The following ARHGEF11 variants were observed in gnomAD, a reference collection of about 807,000 sequenced individuals.
The protein encoded by ARHGEF11 is Rho guanine exchange factor (GEF) 11.
A neutral mutation model predicts 193.7 loss-of-function variants in ARHGEF11; 55 were observed. The observed-to-expected ratio is 0.28, with a 90% CI of 0.23 to 0.36. The LOEUF (loss-of-function observed/expected upper bound fraction) is 0.36. Ranked by LOEUF, ARHGEF11 falls within the 10% of genes least tolerant of loss-of-function variation. The pLI is 1.00. For synonymous variants in ARHGEF11, 693 were observed against 768.0 expected (o/e 0.90, Z 1.62); for missense variants, 1,723 against 2,005.6 (o/e 0.86, Z 2.69).
intron 2 of ARHGEF11, 52 bp downstream of exon 2, chr1:156,986,030 C>A: frequency 6.8e-7 from 1 of 1,471,582 alleles, no homozygotes; most frequent in Non-Finnish European, 9.5e-7. Flanking sequence ...GGAATACAGG[C>A]ATGTGCCACC....
chr1:157,005,007 CCT>C (rs1184914878), intron 1 of ARHGEF11, among the ~76,000 whole-genome samples: 1 of 152,208 alleles, frequency 6.6e-6, no homozygotes, highest in Non-Finnish European at 1.5e-5. Context: ...AAAATCTACC[CCT>C]CTCACAGCTC....
At chr1:157,021,651 A>G (rs968668908) in intron 1 of ARHGEF11, among the ~76,000 whole-genome samples, 10 of 145,904 alleles carry the variant, frequency 6.9e-5, no homozygotes, top group Non-Finnish European at 1.5e-4. Flanking sequence ...AAAAAAAGTT[A>G]GACTAAATTC....
intron 1 of ARHGEF11, among the ~76,000 whole-genome samples, chr1:156,992,581 C>G (rs1665894303): frequency 6.7e-6 from 1 of 149,952 alleles, no homozygotes; most frequent in South Asian, 2.1e-4. Context: ...TGCGGTGTGT[C>G]TGTGTGTGAA....
At chr1:157,030,478 T>G (rs929816623) in intron 1 of ARHGEF11, among the ~76,000 whole-genome samples, 2 of 152,144 alleles carry the variant, frequency 1.3e-5, no homozygotes, top group African/African-American at 4.8e-5. Flanking sequence ...ACAAGGAAAT[T>G]GTATTGGGAA....
chr1:157,017,745 G>A (rs138288041), intron 1 of ARHGEF11, among the ~76,000 whole-genome samples: 1 of 149,552 alleles, frequency 6.7e-6, no homozygotes, highest in African/African-American at 2.5e-5. Flanking sequence ...ACGGAGAAGA[G>A]GATTTAATAA....
At chr1:156,961,097 T>C (rs1167649581) in intron 14 of ARHGEF11, among the ~76,000 whole-genome samples, 1 of 152,244 alleles carries the variant, frequency 6.6e-6, no homozygotes, top group Non-Finnish European at 1.5e-5. Context: ...GGAATTAGTC[T>C]AGTTGATCAG....
intron 1 of ARHGEF11, among the ~76,000 whole-genome samples, chr1:156,989,237 G>A (rs533697493): frequency 1.5e-4 from 22 of 151,342 alleles, no homozygotes; most frequent in Non-Finnish European, 2.7e-4. Flanking sequence ...ATCCCCTACT[G>A]CCAGTCAAAG....
At chr1:156,953,795 G>C (rs1026348129) in intron 21 of ARHGEF11, among the ~76,000 whole-genome samples, 1 of 152,074 alleles carries the variant, frequency 6.6e-6, no homozygotes. Flanking sequence ...TTCACTGTAG[G>C]CTCTAAGCTT....
chr1:156,966,000 A>C (rs1175086968), intron 11 of ARHGEF11, among the ~76,000 whole-genome samples: 1 of 152,236 alleles, frequency 6.6e-6, no homozygotes, highest in Non-Finnish European at 1.5e-5. Context: ...CTACAGAGAT[A>C]AAGCATATAA....
At chr1:157,023,656 C>T (rs1670269001) in intron 1 of ARHGEF11, among the ~76,000 whole-genome samples, 2 of 151,474 alleles carry the variant, frequency 1.3e-5, no homozygotes, top group African/African-American at 4.9e-5. Context: ...ATACCAGCTA[C>T]TTGGGAAGCT....
chr1:157,039,474 A>G lies in ARHGEF11; in HGVS notation c.32+4825T>C, dbSNP rs189108088. Among the ~76,000 whole-genome samples, 100 of 152,302 alleles carry G rather than the reference A, an allele frequency of 6.6e-4. No individual in the cohort carries two copies. In the Middle Eastern group the frequency reaches 0.017, roughly 26 times the overall value. Reference sequence around the variant, plus strand: ...CTCAGAACTCCAAACCTCCTTTCACAAAAGATCTAACATGACTTTTTATGA... The same window carrying G: ...CTCAGAACTCCAAACCTCCTTTCACGAAAGATCTAACATGACTTTTTATGA... On this transcript the variant is annotated intron_variant, in intron 1 of 40. Transcript: ENST00000368194.
At chr1:157,046,099 C>T (rs1673299669), upstream of ARHGEF11, among the ~76,000 whole-genome samples, 1 of 151,198 alleles carries the variant, frequency 6.6e-6, no homozygotes, top group Admixed American at 6.6e-5. Context: ...GGCCGGTCCC[C>T]TCTGCGGCCC....
At chr1:156,969,941 G>A (rs1662280206) in intron 9 of ARHGEF11, 57 bp downstream of exon 9, 2 of 1,578,312 alleles carry the variant, frequency 1.3e-6, no homozygotes, top group Non-Finnish European at 8.7e-7. Flanking sequence ...AGGGTAAACA[G>A]GTAAGAAACC....
chr1:156,945,867 T>C (rs1278626699), intron 29 of ARHGEF11, 178 bp downstream of exon 29: 15 of 579,734 alleles, frequency 2.6e-5, no homozygotes, highest in Non-Finnish European at 3.1e-6. Context: ...AAACACCTTA[T>C]ATTTTCCAAA....
chr1:156,955,086 G>A (rs1659750635), intron 20 of ARHGEF11, among the ~76,000 whole-genome samples, 165 bp from the exon 21 acceptor site: 1 of 152,192 alleles, frequency 6.6e-6, no homozygotes. Flanking sequence ...AGCAATTTCA[G>A]AAAGGGAGGC....
At position 156,948,632 on chromosome 1, in the gene ARHGEF11, A is replaced by C; in HGVS notation, c.1926-134T>G. The C allele has an allele frequency of 6.3e-7, 1 of 1,579,782 alleles. No homozygotes were observed. Among genetic ancestry groups the C allele is most frequent in the African/African-American group, 1.3e-5 (1 of 74,242 alleles). On this transcript the variant is annotated intron_variant, in intron 22 of 40. Transcript: ENST00000368194. The surrounding 1 kb of genome is among the most constrained non-coding windows in gnomAD (Gnocchi z 4.2). ...AGGTTCTCCTCCTGAACATGGCCAA[A>C]GCAGCTGGATGGCAGTGGAAGCTTC...
At position 157,044,351 on chromosome 1, in the gene ARHGEF11, G is replaced by C; in HGVS notation, c.-21C>G. 1 of 1,612,670 alleles carries C rather than the reference G, an allele frequency of 6.2e-7. No homozygotes were observed. Among genetic ancestry groups the C allele is most frequent in the Non-Finnish European group, 8.5e-7 (1 of 1,179,376 alleles). The stretch of plus-strand genomic sequence containing the variant: ...CTCATGGTTTCTCGGTGTCTCCACG[G>C]TTCCAGAATCCTGTAGCTTTGGTGT... On this transcript the variant is annotated 5_prime_UTR_variant, in exon 1 of 41. Coordinates refer to ENST00000368194, the MANE Select transcript of ARHGEF11 (RefSeq NM_198236.3).
chr1:157,044,234 C>T, intron 1 of ARHGEF11, 65 bp downstream of exon 1: 2 of 1,493,498 alleles, frequency 1.3e-6, no homozygotes, highest in Non-Finnish European at 1.9e-6. Flanking sequence ...TATTAAAATG[C>T]AACACCACCC....
intron 1 of ARHGEF11, among the ~76,000 whole-genome samples, chr1:157,042,627 C>A (rs942061797): frequency 6.6e-6 from 1 of 152,142 alleles, no homozygotes; most frequent in Admixed American, 6.5e-5. Context: ...ATATGTTCTA[C>A]GAAAGCACTT....
Sources: allele counts gnomAD v4.1 joint callset (sites outside exome capture counted in the v4.1 genomes callset), GRCh38; gene constraint gnomAD v4.1.1; non-coding constraint Gnocchi (gnomAD v3.1); transcripts MANE v1.5; gene names NCBI Gene and HGNC (gene_info 2026-07-23, HGNC 2026-07-21).